The following SGPP2 variants were observed in gnomAD, a reference collection of about 807,000 sequenced individuals.
SGPP2 encodes sphingosine-1-phosphate phosphatase 2, also known as sphingosine 1-phosphate phosphohydrolase 2.
In SGPP2, 30 loss-of-function variants were observed where a neutral mutation model predicts 33.9. The ratio of observed to expected loss-of-function variants is 0.89; its 90% confidence interval spans 0.66 to 1.20. SGPP2 has a LOEUF of 1.20. Ranked by LOEUF, SGPP2 falls within the 50% of genes most tolerant of loss-of-function variation. SGPP2 has a pLI of 0.00. For synonymous variants in SGPP2, 233 were observed against 225.0 expected (o/e 1.04, Z -0.32); for missense variants, 458 against 532.1 (o/e 0.86, Z 1.37).
chr2:222,529,660 G>C (rs535712084), intron 4 of SGPP2, among the ~76,000 whole-genome samples: 3 of 152,220 alleles, frequency 2.0e-5, no homozygotes, highest in African/African-American at 7.2e-5. Context: ...CATATCTGCC[G>C]TTACTTCCTC....
intron 4 of SGPP2, among the ~76,000 whole-genome samples, chr2:222,525,596 C>T (rs944128083): frequency 3.3e-5 from 5 of 152,176 alleles, no homozygotes; most frequent in Non-Finnish European, 7.3e-5. Flanking sequence ...TTTCCAGGGC[C>T]GCCATGATTG....
At chr2:222,506,754 A>G (rs1306146179) in intron 2 of SGPP2, among the ~76,000 whole-genome samples, 1 of 152,192 alleles carries the variant, frequency 6.6e-6, no homozygotes, top group Non-Finnish European at 1.5e-5. Flanking sequence ...GGTCAGTTGT[A>G]TATTACAAAA....
At chr2:222,495,301 C>T (rs1291323701) in intron 2 of SGPP2, among the ~76,000 whole-genome samples, 1 of 151,850 alleles carries the variant, frequency 6.6e-6, no homozygotes, top group Admixed American at 6.6e-5. Flanking sequence ...GTGGGCCCTG[C>T]TACTCGGGAG....
At position 222,560,724 on chromosome 2, in the gene SGPP2, C is replaced by T. The variant is rs999808015; in HGVS notation, c.*1826C>T. 2.0e-5 allele frequency: 3 copies of T among 152,088 alleles called. No individual in the cohort carries two copies. The highest frequency in any genetic ancestry group is 4.4e-5 in the Non-Finnish European group (3 of 68,020). 9.4% of individuals were successfully genotyped at this position (152,088 alleles called of 1,614,324 possible). On this transcript the variant is annotated 3_prime_UTR_variant, in exon 5 of 5. Coordinates refer to ENST00000321276, the MANE Select transcript of SGPP2 (RefSeq NM_152386.4). ...ACAGAGGCTCTTAACGTGTTAAAAC[C>T]GAAAAATCACATTTTTCTTGATTTC...
At chr2:222,525,950 A>T (rs1277099758) in intron 4 of SGPP2, among the ~76,000 whole-genome samples, 1 of 152,282 alleles carries the variant, frequency 6.6e-6, no homozygotes, top group East Asian at 1.9e-4. Flanking sequence ...GATTGGGGAG[A>T]TCATTTGTCA....
chr2:222,515,473 C>T (rs904468102), intron 2 of SGPP2, among the ~76,000 whole-genome samples: 20 of 151,918 alleles, frequency 1.3e-4, no homozygotes, highest in South Asian at 4.2e-4. Context: ...GGACTACAGG[C>T]ACCCACCACC....
intron 2 of SGPP2, among the ~76,000 whole-genome samples, chr2:222,497,744 A>G (rs562671469): frequency 6.6e-6 from 1 of 152,374 alleles, no homozygotes; most frequent in Admixed American, 6.5e-5. Context: ...TGGGGTTCAC[A>G]TGCAGGCAAA....
At chr2:222,435,838 G>A (rs1035379915) in intron 1 of SGPP2, among the ~76,000 whole-genome samples, 1 of 152,202 alleles carries the variant, frequency 6.6e-6, no homozygotes, top group Non-Finnish European at 1.5e-5. Context: ...AGCTGGTATT[G>A]GTGACTACCT....
intron 1 of SGPP2, among the ~76,000 whole-genome samples, chr2:222,444,563 A>C (rs376803402): frequency 1.3e-5 from 2 of 152,210 alleles, no homozygotes; most frequent in Non-Finnish European, 2.9e-5. Context: ...CTCTCAGTGC[A>C]TTGGTGGAGA....
intron 4 of SGPP2, among the ~76,000 whole-genome samples, chr2:222,531,696 G>A (rs192427334): frequency 6.6e-6 from 1 of 152,278 alleles, no homozygotes; most frequent in African/African-American, 2.4e-5. Flanking sequence ...ATGTGTGTGT[G>A]TATACATATT....
At chr2:222,425,227 C>T (rs971129511) in intron 1 of SGPP2, among the ~76,000 whole-genome samples, 1 of 151,808 alleles carries the variant, frequency 6.6e-6, no homozygotes, top group East Asian at 1.9e-4. Context: ...TTCCGCCCAT[C>T]CCCCTTCCCT....
chr2:222,474,750 A>C (rs778118457), intron 2 of SGPP2, 24 bp downstream of exon 2: 1 of 1,562,000 alleles, frequency 6.4e-7, no homozygotes, highest in African/African-American at 1.4e-5. Flanking sequence ...CTACTCATTA[A>C]CTGATGCTAC....
intron 1 of SGPP2, among the ~76,000 whole-genome samples, chr2:222,452,125 TATAGCCA>T (rs1697500897): frequency 6.6e-6 from 1 of 152,196 alleles, no homozygotes. Flanking sequence ...TCTACTTATC[TATAGCCA>T]GAGACAGCTT....
chr2:222,475,394 A>G (rs1697918274), intron 2 of SGPP2, among the ~76,000 whole-genome samples: 1 of 140,536 alleles, frequency 7.1e-6, no homozygotes, highest in South Asian at 2.2e-4. Context: ...GAGAGGGCAT[A>G]AGTGATGACC....
Position 222,558,747 on chromosome 2 carries a change from TATACTC to T in SGPP2, c.1052_1057del (p.Tyr351_Ser352del). ...GTACAAAATCTCTCACTGCAAGTAT[TATACTC>T]ATGGTTCAAGGTGGTCACCAGGAAC... On this transcript the variant is annotated inframe_deletion, in exon 5 of 5. Coordinates refer to ENST00000321276, the MANE Select transcript of SGPP2 (RefSeq NM_152386.4). The T allele has an allele frequency of 6.2e-7, 1 of 1,614,200 alleles. No homozygotes were observed. Among genetic ancestry groups the T allele is most frequent in the Non-Finnish European group, 8.5e-7 (1 of 1,180,030 alleles).
At chr2:222,527,170 T>C (rs1033186537) in intron 4 of SGPP2, among the ~76,000 whole-genome samples, 2 of 152,136 alleles carry the variant, frequency 1.3e-5, no homozygotes, top group Non-Finnish European at 2.9e-5. Flanking sequence ...GGAAGATAGA[T>C]TAGGCCTGTC....
In SGPP2 at chr2:222,535,793, T is replaced by C. The variant is rs1005131590; in HGVS notation, c.648+10760T>C. Among the ~76,000 whole-genome samples the C allele has an allele frequency of 3.3e-5, 5 of 152,238 alleles. No homozygotes were observed. In the East Asian group the frequency reaches 9.6e-4, roughly 29 times the overall value. ...CTGGGAGGGGAAGTGGGGACCTCCC[T>C]GAGGCTAGTGGCCAGGCAGCCAAAT... On this transcript the variant is annotated intron_variant, in intron 4 of 4. Transcript: ENST00000321276.
chr2:222,479,248 T>C (rs1213934990), intron 2 of SGPP2, among the ~76,000 whole-genome samples: 1 of 152,168 alleles, frequency 6.6e-6, no homozygotes, highest in Non-Finnish European at 1.5e-5. Flanking sequence ...GCACAATATT[T>C]TTTAAAGATG....
chr2:222,427,636 G>A (rs1041746149), intron 1 of SGPP2, among the ~76,000 whole-genome samples: 12 of 152,190 alleles, frequency 7.9e-5, no homozygotes, highest in African/African-American at 1.7e-4. Context: ...TGATTTTTCC[G>A]CATAGCCTAG....
Sources: gnomAD v4.1 joint callset for allele counts (sites outside exome capture counted in the v4.1 genomes callset) on GRCh38, gnomAD v4.1.1 for gene constraint, MANE v1.5 for transcripts, NCBI Gene and HGNC (gene_info 2026-07-23, HGNC 2026-07-21) for gene names.